GALNT11: variants seen among roughly 807,000 people sequenced by gnomAD.
The protein encoded by GALNT11 is UDP-GalNAc:polypeptide N-acetylgalactosaminyltransferase 11.
Under a neutral mutation model 72.7 loss-of-function variants are expected in GALNT11, and 47 were observed. That is an observed-to-expected ratio of 0.65 (90% confidence interval 0.51 to 0.82). The LOEUF (loss-of-function observed/expected upper bound fraction) is 0.82, where lower values mean the gene tolerates loss of function less well. GALNT11 is among the 40% of genes least tolerant of loss of function. GALNT11 has a pLI of 0.00. For synonymous variants in GALNT11, 270 were observed against 286.6 expected (o/e 0.94, Z 0.58); for missense variants, 677 against 778.4 (o/e 0.87, Z 1.55).
chr7:152,099,844 A>C (rs1432705177), intron 2 of GALNT11, among the ~76,000 whole-genome samples: 2 of 144,334 alleles, frequency 1.4e-5, no homozygotes, highest in Non-Finnish European at 3.0e-5. Flanking sequence ...GGCTCACTGC[A>C]ACCTTGATGT....
chr7:152,094,425 G>C lies in GALNT11; in HGVS notation c.198G>C (p.Val66=). The stretch of plus-strand genomic sequence containing the variant: ...GTTTCACTCGAGGCCCAAGTCGAGT[G>C]CTCGAGCCACAGTTCAAAGCAAACA... ...YPRFTRGPSR[V]LEPQFKANKI... is the part of the protein sequence containing the mutation. Residue 66 remains valine, a synonymous_variant, in exon 2 of 12, where the codon GTG becomes GTC. Transcript: ENST00000430044. The surrounding 1 kb of genome is among the most constrained non-coding windows in gnomAD (Gnocchi z 4.3). The C allele has an allele frequency of 6.2e-7, 1 of 1,614,140 alleles. No individual in the cohort carries two copies. The highest frequency in any genetic ancestry group is 8.5e-7 in the Non-Finnish European group (1 of 1,180,032).
In GALNT11 at chr7:152,066,813, G is replaced by A. The variant is rs368278020; in HGVS notation, c.-38-27377G>A. Among the ~76,000 whole-genome samples, 38 of 152,310 alleles carry A rather than the reference G, an allele frequency of 2.5e-4. 1 individual carries two copies. The East Asian group carries it at 6.0e-3, about 24-fold the overall frequency. On this transcript the variant is annotated intron_variant, in intron 1 of 11. Coordinates refer to ENST00000430044, the MANE Select transcript of GALNT11 (RefSeq NM_022087.4). The stretch of plus-strand genomic sequence containing the variant: ...TAAGTTCCCTGTTTCACATCTGCAC[G>A]TGGTTCCTTGTGTCCCAAAACAATT...
chr7:152,046,696 T>C (rs916163608), intron 1 of GALNT11, among the ~76,000 whole-genome samples: 1 of 152,206 alleles, frequency 6.6e-6, no homozygotes, highest in Admixed American at 6.5e-5. Context: ...ATAGGTTAAG[T>C]ATGTTTCTTG....
At chr7:152,061,836 C>G (rs530915831) in intron 1 of GALNT11, among the ~76,000 whole-genome samples, 1 of 152,204 alleles carries the variant, frequency 6.6e-6, no homozygotes, top group South Asian at 2.1e-4. Context: ...TGGTCTATAT[C>G]TCTGTTTTGG....
intron 5 of GALNT11, 109 bp downstream of exon 5, chr7:152,105,479 C>T: frequency 2.1e-6 from 3 of 1,453,246 alleles, no homozygotes; most frequent in Non-Finnish European, 1.8e-6. Context: ...TTCAAACGGA[C>T]ATTGCCAGCA....
intron 1 of GALNT11, among the ~76,000 whole-genome samples, chr7:152,084,683 G>A (rs1398223595): frequency 2.0e-5 from 3 of 152,064 alleles, no homozygotes; most frequent in African/African-American, 4.8e-5. Flanking sequence ...CTAAGATTTC[G>A]CATTGCACAG....
At position 152,117,525 on chromosome 7, in the gene GALNT11, G is replaced by C. The variant is rs554077585; in HGVS notation, c.1452+150G>C. ...GCCTTTCATTATATTCTCTTTATGG[G>C]AACTTCTCTACGCAAGTGTAGGACC... On this transcript the variant is annotated intron_variant, in intron 9 of 11. Coordinates refer to ENST00000430044, the MANE Select transcript of GALNT11 (RefSeq NM_022087.4). 426 of 751,272 alleles carry C rather than the reference G, an allele frequency of 5.7e-4. 7 individuals carry two copies. The South Asian group carries it at 7.4e-3, about 13-fold the overall frequency. 46.5% of individuals were successfully genotyped at this position (751,272 alleles called of 1,614,324 possible).
chr7:152,039,824 A>G (rs1040160694), intron 1 of GALNT11, among the ~76,000 whole-genome samples: 7 of 152,056 alleles, frequency 4.6e-5, no homozygotes, highest in African/African-American at 1.7e-4. Flanking sequence ...ACTTTTTGTT[A>G]TTGGGTCTCT....
intron 1 of GALNT11, among the ~76,000 whole-genome samples, chr7:152,065,803 C>T (rs950625006): frequency 1.2e-4 from 18 of 152,146 alleles, no homozygotes; most frequent in African/African-American, 3.9e-4. Context: ...CCTCTGAAAG[C>T]GTCATCTCAG....
intron 1 of GALNT11, among the ~76,000 whole-genome samples, chr7:152,063,589 G>T (rs184614251): frequency 3.0e-4 from 46 of 152,180 alleles, no homozygotes; most frequent in Middle Eastern, 3.4e-3. Context: ...GCTTTCTTTT[G>T]TGGGCATTTA....
At chr7:152,030,575 C>T (rs2082261166) in intron 1 of GALNT11, among the ~76,000 whole-genome samples, 1 of 152,178 alleles carries the variant, frequency 6.6e-6, no homozygotes, top group Non-Finnish European at 1.5e-5. Flanking sequence ...GCCTCGGCAC[C>T]TGGGTGGCTT....
intron 4 of GALNT11, 116 bp downstream of exon 4, chr7:152,103,394 A>G (rs1396548083): frequency 7.8e-6 from 8 of 1,030,586 alleles, no homozygotes; most frequent in Non-Finnish European, 1.0e-5. Context: ...CTACACGTGC[A>G]GTCACAGCTG....
chr7:152,111,644 A>ATATATTTT (rs201303779), intron 7 of GALNT11, among the ~76,000 whole-genome samples: 25 of 139,282 alleles, frequency 1.8e-4, no homozygotes, highest in African/African-American at 5.4e-4. Flanking sequence ...ATATATATAT[A>ATATATTTT]TTTTTTTAAA....
intron 1 of GALNT11, among the ~76,000 whole-genome samples, chr7:152,043,446 G>A (rs993703387): frequency 1.3e-5 from 2 of 152,214 alleles, no homozygotes; most frequent in Admixed American, 1.3e-4. Flanking sequence ...AAATGCCCTG[G>A]TTTGAAATGG....
Position 152,105,622 on chromosome 7 carries a change from C to G in GALNT11, c.712+252C>G, listed in dbSNP as rs137960923. Among the ~76,000 whole-genome samples the G allele has an allele frequency of 3.3e-5, 5 of 152,322 alleles. No individual in the cohort carries two copies. The East Asian group carries it at 9.6e-4, about 29-fold the overall frequency. On this transcript the variant is annotated intron_variant, in intron 5 of 11. Transcript: ENST00000430044. ...TTTTCATAGCAACCCTTCTTTGATA[C>G]TTACTGCCCCTCAAATATATTTTAT...
At chr7:152,083,885 T>C (rs947772618) in intron 1 of GALNT11, among the ~76,000 whole-genome samples, 1 of 152,192 alleles carries the variant, frequency 6.6e-6, no homozygotes, top group African/African-American at 2.4e-5. Context: ...AGCTTCTTAT[T>C]GTTTTCCTCA....
At chr7:152,115,018 T>G (rs2088689137) in intron 8 of GALNT11, among the ~76,000 whole-genome samples, 1 of 152,110 alleles carries the variant, frequency 6.6e-6, no homozygotes, top group African/African-American at 2.4e-5. Context: ...TGCACTGTGT[T>G]TGGGGGCAGT....
At chr7:152,033,888 T>C (rs1344895357) in intron 1 of GALNT11, among the ~76,000 whole-genome samples, 2 of 152,230 alleles carry the variant, frequency 1.3e-5, no homozygotes, top group Non-Finnish European at 2.9e-5. Context: ...AGGCTGCAGC[T>C]AAAGCCGCAT....
chr7:152,052,360 A>G (rs935776889), intron 1 of GALNT11, among the ~76,000 whole-genome samples: 5 of 152,084 alleles, frequency 3.3e-5, no homozygotes, highest in African/African-American at 9.7e-5. Flanking sequence ...TGAGTATACT[A>G]TATACTCAAA....
Sources: allele counts gnomAD v4.1 joint callset (sites outside exome capture counted in the v4.1 genomes callset), GRCh38; gene constraint gnomAD v4.1.1; non-coding constraint Gnocchi (gnomAD v3.1); transcripts MANE v1.5; gene names NCBI Gene and HGNC (gene_info 2026-07-23, HGNC 2026-07-21).